The following NISCH variants were observed in gnomAD, a reference collection of about 807,000 sequenced individuals.
NISCH encodes the protein nischarin.
NISCH carries 55 observed loss-of-function variants against 138.4 expected under a neutral mutation model. The observed-to-expected ratio is 0.40, with a 90% CI of 0.32 to 0.50. The LOEUF (loss-of-function observed/expected upper bound fraction) is 0.50, where lower values mean the gene tolerates loss of function less well. Among genes scored for constraint, NISCH ranks in the 20% least tolerant of loss-of-function variants. The pLI is 0.71. For missense variants in NISCH, 1,643 were observed against 2,005.5 expected, an observed-to-expected ratio of 0.82 and a Z score of 3.45; for synonymous variants, 860 against 861.5, an observed-to-expected ratio of 1.00 and a Z score of 0.03.
chr3:52,476,647 C>T (rs1172903405), intron 8 of NISCH, 48 bp downstream of exon 8: 1 of 1,599,466 alleles, frequency 6.3e-7, no homozygotes, highest in East Asian at 2.2e-5. Flanking sequence ...CCCCACCAAA[C>T]CCTGAGTTTG....
At chr3:52,470,163 G>C (rs139297577) in intron 3 of NISCH, among the ~76,000 whole-genome samples, 79 of 152,104 alleles carry the variant, frequency 5.2e-4, no homozygotes, top group African/African-American at 1.8e-3. Context: ...GCCTTCAGTG[G>C]CTCAGGGCAT....
At chr3:52,484,462 T>TGGGGCCCC in intron 13 of NISCH, 51 bp from the exon 14 acceptor site, 56 of 788,666 alleles carry the variant, frequency 7.1e-5, no homozygotes, top group Non-Finnish European at 9.5e-5. Flanking sequence ...ACAGCCGCTC[T>TGGGGCCCC]CCCCGCCCCA....
At chr3:52,491,783 G>T in intron 20 of NISCH, 89 bp from the exon 21 acceptor site, 1 of 1,461,002 alleles carries the variant, frequency 6.8e-7, no homozygotes, top group Non-Finnish European at 9.2e-7. Flanking sequence ...TCTCATGCCG[G>T]GGTCTCTCGG....
rs772045725 is a variant in NISCH at position 52,455,637 on chromosome 3, C to T, written c.-5C>T. The T allele has an allele frequency of 3.7e-6, 5 of 1,333,526 alleles. No individual in the cohort carries two copies. Among genetic ancestry groups the T allele is most frequent in the South Asian group, 2.5e-5 (1 of 40,268 alleles). The allele number at this position is 1,333,526 out of a possible 1,614,324, so 82.6% of individuals were successfully genotyped here. On this transcript the variant is annotated 5_prime_UTR_variant, in exon 1 of 21. Transcript: ENST00000345716. ...CCGGGCGGCGGTGGCGGCGGAGACCCGAACATGGCGACCGCGCGCACCTTC... is the reference window on the plus strand; with the variant it reads ...CCGGGCGGCGGTGGCGGCGGAGACCTGAACATGGCGACCGCGCGCACCTTC...
chr3:52,479,920 A>G, intron 12 of NISCH, 58 bp downstream of exon 12: 1 of 1,404,462 alleles, frequency 7.1e-7, no homozygotes. Context: ...GATAGGAGCC[A>G]GTTTGGGGGG....
intron 14 of NISCH, 121 bp downstream of exon 14, chr3:52,484,758 T>C: frequency 1.7e-5 from 19 of 1,129,852 alleles, no homozygotes; most frequent in Non-Finnish European, 2.4e-5. Context: ...GGGTTTGGCG[T>C]CCTCTGCTTT....
intron 13 of NISCH, chr3:52,480,657 G>A: frequency 7.0e-7 from 1 of 1,424,160 alleles, no homozygotes; most frequent in East Asian, 2.6e-5. Context: ...CCTGGTTACA[G>A]GAAGCCGGGC....
At chr3:52,468,981 G>A (rs192275138) in intron 3 of NISCH, among the ~76,000 whole-genome samples, 169 of 152,210 alleles carry the variant, frequency 1.1e-3, no homozygotes, top group Admixed American at 3.1e-3. Context: ...AAGGTAAAAG[G>A]TATATGCAGA....
chr3:52,484,462 T>TGGGCCCCCCCCCCC, intron 13 of NISCH, 51 bp from the exon 14 acceptor site: 2 of 788,670 alleles, frequency 2.5e-6, no homozygotes, highest in Non-Finnish European at 3.7e-6. Flanking sequence ...ACAGCCGCTC[T>TGGGCCCCCCCCCCC]CCCCGCCCCA....
chr3:52,457,740 TA>T, intron 1 of NISCH, 102 bp from the exon 2 acceptor site: 1 of 917,356 alleles, frequency 1.1e-6, no homozygotes, highest in Non-Finnish European at 1.8e-6. Context: ...GAAAGACTGA[TA>T]AAAGATAATT....
chr3:52,474,113 GTTGTTTTGTTT>G (rs1707030975), intron 7 of NISCH, among the ~76,000 whole-genome samples: 1 of 145,888 alleles, frequency 6.9e-6, no homozygotes, highest in Non-Finnish European at 1.6e-5. Context: ...GTGTTTTTGT[GTTGTTTTGTTT>G]TTGTTTTGAG....
At chr3:52,458,465 G>A (rs1051403462) in intron 2 of NISCH, among the ~76,000 whole-genome samples, 197 bp from the exon 3 acceptor site, 2 of 152,194 alleles carry the variant, frequency 1.3e-5, no homozygotes, top group African/African-American at 4.8e-5. Flanking sequence ...GTCTAGAATT[G>A]TATTGGTATT....
intron 7 of NISCH, 135 bp from the exon 8 acceptor site, chr3:52,476,312 G>C (rs1396071084): frequency 3.3e-6 from 3 of 906,168 alleles, no homozygotes; most frequent in Non-Finnish European, 5.2e-6. Context: ...GGAACCAAAG[G>C]CATGCTTTAA....
At chr3:52,468,623 G>T (rs988947156) in intron 3 of NISCH, among the ~76,000 whole-genome samples, 2 of 152,064 alleles carry the variant, frequency 1.3e-5, no homozygotes, top group Non-Finnish European at 2.9e-5. Flanking sequence ...ACTTCCAGCC[G>T]GAGCCCTGTC....
intron 14 of NISCH, 49 bp from the exon 15 acceptor site, chr3:52,485,728 TG>T: frequency 6.4e-7 from 1 of 1,551,020 alleles, no homozygotes; most frequent in Non-Finnish European, 8.7e-7. Flanking sequence ...AGTAAATGGC[TG>T]GGGCTGGCTG....
At position 52,492,248 on chromosome 3, in the gene NISCH, G is replaced by A. The variant is rs772701427; in HGVS notation, c.4281G>A (p.Pro1427=). The A allele has an allele frequency of 6.2e-6, 10 of 1,613,172 alleles. No homozygotes were observed. Among genetic ancestry groups the A allele is most frequent in the Admixed American group, 1.7e-5 (1 of 60,028 alleles). ...TGCTCATGGGCTACCAGACCTACCC[G>A]CAGGCCCTCACCCTCGTCTTCGATG... ...DRVLMGYQTY[P]QALTLVFDDV... is the part of the protein sequence containing the mutation. The change falls in exon 21 of 21, where the codon CCG becomes CCA. Residue 1427 remains proline (P), a synonymous_variant. Transcript: ENST00000345716.
At chr3:52,479,284 C>A (rs1237008393) in intron 11 of NISCH, among the ~76,000 whole-genome samples, 1 of 152,186 alleles carries the variant, frequency 6.6e-6, no homozygotes, top group African/African-American at 2.4e-5. Context: ...CCAGCCACCA[C>A]TCCCTCCCAC....
chr3:52,474,360 G>A (rs368056294), intron 7 of NISCH, among the ~76,000 whole-genome samples: 8 of 152,044 alleles, frequency 5.3e-5, no homozygotes, highest in South Asian at 2.1e-4. Context: ...GCAGTGGCGC[G>A]ATCTTGGCTC....
At chr3:52,457,474 G>T (rs1342748996) in intron 1 of NISCH, among the ~76,000 whole-genome samples, 1 of 152,224 alleles carries the variant, frequency 6.6e-6, no homozygotes, top group Non-Finnish European at 1.5e-5. Flanking sequence ...AAATGGCCTT[G>T]CCTGCAGCTC....
Sources: allele counts gnomAD v4.1 joint callset (sites outside exome capture counted in the v4.1 genomes callset), GRCh38; gene constraint gnomAD v4.1.1; transcripts MANE v1.5; gene names NCBI Gene and HGNC (gene_info 2026-07-23, HGNC 2026-07-21).